Variants in CA1 observed in about 807,000 individuals in gnomAD.
CA1 encodes carbonate dehydratase I.
In CA1, 27 loss-of-function variants were observed where a neutral mutation model predicts 28.8. That is an observed-to-expected ratio of 0.94 (90% CI 0.69 to 1.29). The LOEUF (loss-of-function observed/expected upper bound fraction) is 1.29, where lower values mean the gene tolerates loss of function less well. CA1 is among the 50% of genes most tolerant of loss of function. CA1 has a pLI of 0.00. For missense variants in CA1, 335 were observed against 310.5 expected (o/e 1.08, Z -0.59); for synonymous variants, 121 against 108.8 (o/e 1.11, Z -0.70).
At chr8:85,332,390 A>G (rs1808442235) in intron 6 of CA1, 100 bp downstream of exon 6, 1 of 907,752 alleles carries the variant, frequency 1.1e-6, no homozygotes, top group Non-Finnish European at 1.8e-6. Flanking sequence ...AGCTTTTACT[A>G]TGGCCTTCCT....
Position 85,333,576 on chromosome 8 carries a change from A to G in CA1, c.399T>C (p.Ala133=), listed in dbSNP as rs1808504013. The change falls in exon 5 of 8, where the codon GCT becomes GCC. Residue 133 remains alanine (A), a synonymous_variant. Transcript: ENST00000523022. The stretch of plus-strand genomic sequence containing the variant: ...AACCATCAGCCTTTGAGGCAGCTTC[A>G]GCAAGGCTGGAGTACTTTGCAGAAT... The part of the protein sequence containing the change: ...HWNSAKYSSL[A]EAASKADGLA... The G allele has an allele frequency of 6.2e-7, 1 of 1,613,048 alleles. No individual in the cohort carries two copies. The highest frequency in any genetic ancestry group is 8.5e-7 in the Non-Finnish European group (1 of 1,179,260).
At chr8:85,372,356 T>C (rs1307003759) in intron 1 of CA1, among the ~76,000 whole-genome samples, 1 of 152,122 alleles carries the variant, frequency 6.6e-6, no homozygotes, top group Non-Finnish European at 1.5e-5. Flanking sequence ...ATGAGAACCC[T>C]TGTGCATTTC....
At position 85,341,631 on chromosome 8, in the gene CA1, G is replaced by T; in HGVS notation, c.5C>A (p.Ala2Glu). 1 of 1,594,134 alleles carries T rather than the reference G, an allele frequency of 6.3e-7. No homozygotes were observed. Among genetic ancestry groups the T allele is most frequent in the Non-Finnish European group, 8.6e-7 (1 of 1,162,188 alleles). Reference sequence around the variant, plus strand: ...GTCATCATATCCCCAGTCTGGACTTGCCATTATCTTCTACTGAGTTTTCTT... The same window carrying T: ...GTCATCATATCCCCAGTCTGGACTTTCCATTATCTTCTACTGAGTTTTCTT... M[A>E]SPDWGYDDKN... is the part of the protein sequence containing the mutation. The change falls in exon 2 of 8, where the codon GCA becomes GAA. Residue 2 changes from alanine to glutamate, a missense_variant. Physicochemically the swap from Ala to Glu is moderately radical, Grantham distance 107. Transcript: ENST00000523022.
intron 1 of CA1, among the ~76,000 whole-genome samples, chr8:85,369,544 C>G (rs1810138278): frequency 1.3e-5 from 2 of 152,116 alleles, no homozygotes; most frequent in South Asian, 4.1e-4. Flanking sequence ...TAAAGACATG[C>G]ATTTTGAACA....
chr8:85,340,000 G>C (rs1487893144), intron 2 of CA1, among the ~76,000 whole-genome samples: 1 of 152,194 alleles, frequency 6.6e-6, no homozygotes, highest in Non-Finnish European at 1.5e-5. Context: ...AGGTGATGTG[G>C]CAAGTGCTGA....
intron 1 of CA1, among the ~76,000 whole-genome samples, chr8:85,375,228 T>C (rs941785054): frequency 2.6e-5 from 4 of 152,100 alleles, no homozygotes; most frequent in African/African-American, 7.2e-5. Context: ...CCTTAGATAA[T>C]TGTAAAACAT....
chr8:85,338,105 A>T (rs752046732), intron 3 of CA1, 147 bp downstream of exon 3: 38 of 808,706 alleles, frequency 4.7e-5, no homozygotes, highest in Non-Finnish European at 7.7e-5. Flanking sequence ...GGCGTTTTCC[A>T]GAAGTCCAAG....
At chr8:85,363,414 C>T (rs1183286076) in intron 1 of CA1, among the ~76,000 whole-genome samples, 1 of 152,214 alleles carries the variant, frequency 6.6e-6, no homozygotes, top group Admixed American at 6.5e-5. Context: ...CTCATCTACA[C>T]AGCCTTTCTG....
chr8:85,334,930 C>CAGTA (rs1240412694), intron 4 of CA1, among the ~76,000 whole-genome samples: 3 of 152,048 alleles, frequency 2.0e-5, no homozygotes, highest in Admixed American at 2.0e-4. Context: ...GAGGAGGTTG[C>CAGTA]AGTAAGCCGA....
At chr8:85,375,728 C>A (rs1810390918) in intron 1 of CA1, among the ~76,000 whole-genome samples, 1 of 152,138 alleles carries the variant, frequency 6.6e-6, no homozygotes, top group African/African-American at 2.4e-5. Flanking sequence ...AGTGAAGACT[C>A]AGGCAGAACA....
At chr8:85,372,628 T>C (rs1471062015) in intron 1 of CA1, among the ~76,000 whole-genome samples, 1 of 152,286 alleles carries the variant, frequency 6.6e-6, no homozygotes. Flanking sequence ...TACAGTAGTT[T>C]CCCCCTTAAC....
chr8:85,337,988 A>G, intron 3 of CA1: 1 of 592,796 alleles, frequency 1.7e-6, no homozygotes, highest in South Asian at 1.7e-5. Context: ...GAGACAGTGA[A>G]GTGAGCATAC....
intron 1 of CA1, among the ~76,000 whole-genome samples, chr8:85,359,362 T>C (rs180986801): frequency 1.3e-5 from 2 of 152,296 alleles, no homozygotes; most frequent in East Asian, 1.9e-4. Flanking sequence ...TGGGTTTTGA[T>C]TGGAGTGGAG....
chr8:85,374,903 C>T (rs1038687327), intron 1 of CA1, among the ~76,000 whole-genome samples: 1 of 152,148 alleles, frequency 6.6e-6, no homozygotes, highest in African/African-American at 2.4e-5. Context: ...AAATTATTCT[C>T]AACTCAACTT....
At chr8:85,345,741 A>T (rs573378796) in intron 1 of CA1, among the ~76,000 whole-genome samples, 3 of 152,050 alleles carry the variant, frequency 2.0e-5, no homozygotes, top group Non-Finnish European at 4.4e-5. Context: ...TGCTATACTC[A>T]TGTTTGTTTT....
intron 1 of CA1, among the ~76,000 whole-genome samples, chr8:85,372,199 G>A (rs1050533470): frequency 2.0e-5 from 3 of 151,996 alleles, no homozygotes; most frequent in South Asian, 4.1e-4. Flanking sequence ...AAGTTCAGAC[G>A]CGAGCACAGA....
At chr8:85,330,621 A>G (rs1585911512) in intron 6 of CA1, among the ~76,000 whole-genome samples, 1 of 152,176 alleles carries the variant, frequency 6.6e-6, no homozygotes. Flanking sequence ...TATCAAATTC[A>G]ATAAGTTTTC....
chr8:85,375,341 C>G (rs1810370309), intron 1 of CA1, among the ~76,000 whole-genome samples: 1 of 152,150 alleles, frequency 6.6e-6, no homozygotes, highest in Admixed American at 6.5e-5. Flanking sequence ...AAGAACTCAC[C>G]TATCGCATGC....
At position 85,341,611 on chromosome 8, in the gene CA1, C is replaced by T; in HGVS notation, c.25G>A (p.Asp9Asn). Residue 9 changes from aspartate (D) to asparagine (N), a missense_variant, in exon 2 of 8, where the codon GAT (aspartate) becomes AAT (asparagine). Physicochemically the swap from Asp to Asn is conservative, Grantham distance 23 (BLOSUM62 1). Coordinates refer to ENST00000523022, the MANE Select transcript of CA1 (RefSeq NM_001128831.4). MASPDWGY[D>N]DKNGPEQWSK... ...GGAGAACTCTTACCATTTTTGTCAT[C>T]ATATCCCCAGTCTGGACTTGCCATT... 6.3e-7 allele frequency: 1 copy of T among 1,596,348 alleles called. No homozygotes were observed. The highest frequency in any genetic ancestry group is 8.6e-7 in the Non-Finnish European group (1 of 1,164,106).
Sources: allele counts gnomAD v4.1 joint callset (sites outside exome capture counted in the v4.1 genomes callset), GRCh38; gene constraint gnomAD v4.1.1; transcripts MANE v1.5; gene names NCBI Gene and HGNC (gene_info 2026-07-23, HGNC 2026-07-21).